Variants in ECHDC3 observed in about 807,000 individuals in gnomAD.
ECHDC3 encodes enoyl-CoA hydratase domain containing 3, also known as enoyl-CoA hydratase domain-containing protein 3, mitochondrial.
Under a neutral mutation model 17.9 loss-of-function variants are expected in ECHDC3, and 20 were observed. The ratio of observed to expected loss-of-function variants is 1.12; its 90% CI spans 0.79 to 1.63. ECHDC3 has a LOEUF of 1.63. ECHDC3 is among the 40% of genes most tolerant of loss of function. The probability of loss-of-function intolerance (pLI) is 0.00; values close to 1 mark genes in which losing one functional copy is unlikely to be tolerated. For missense variants in ECHDC3, 407 were observed against 357.7 expected (o/e 1.14, Z -1.11); for synonymous variants, 177 against 149.7 (o/e 1.18, Z -1.33).
chr10:11,751,496 C>T (rs1725888316), intron 3 of ECHDC3, among the ~76,000 whole-genome samples: 1 of 152,184 alleles, frequency 6.6e-6, no homozygotes, highest in Non-Finnish European at 1.5e-5. Context: ...GTGAAATCAA[C>T]AGCAGATTGG....
chr10:11,763,614 C>T lies in ECHDC3; in HGVS notation c.*70C>T. On this transcript the variant is annotated 3_prime_UTR_variant, in exon 5 of 5. Transcript: ENST00000379215. The surrounding 1 kb of genome is among the most constrained non-coding windows in gnomAD (Gnocchi z 4.9). Reference sequence around the variant, plus strand: ...ACCTTCCCCTCTGGCCCAGCCACCACTGCCTCTCAGCTTCAACAGGTGACA... The same window carrying T: ...ACCTTCCCCTCTGGCCCAGCCACCATTGCCTCTCAGCTTCAACAGGTGACA... 7.0e-7 allele frequency: 1 copy of T among 1,438,140 alleles called. No individual in the cohort carries two copies. The highest frequency in any genetic ancestry group is 9.1e-7 in the Non-Finnish European group (1 of 1,099,316). 89.1% of individuals were successfully genotyped at this position (1,438,140 alleles called of 1,614,324 possible). A position where few individuals can be genotyped will look rare whatever the true frequency, so the allele number is the denominator to read the frequency against.
chr10:11,761,238 G>C (rs547916728), intron 4 of ECHDC3, among the ~76,000 whole-genome samples: 1 of 152,320 alleles, frequency 6.6e-6, no homozygotes, highest in South Asian at 2.1e-4. Context: ...TATTGGCCCA[G>C]GGATATGTGG....
At chr10:11,744,283 GGTTTCTACTCT>G (rs1347473085) in intron 1 of ECHDC3, among the ~76,000 whole-genome samples, 5 of 152,216 alleles carry the variant, frequency 3.3e-5, no homozygotes, top group Non-Finnish European at 7.3e-5. Flanking sequence ...GCCCCAAAGT[GGTTTCTACTCT>G]GTTTCTACTC....
chr10:11,744,364 C>T (rs1183912810), intron 1 of ECHDC3, among the ~76,000 whole-genome samples: 1 of 152,118 alleles, frequency 6.6e-6, no homozygotes, highest in African/African-American at 2.4e-5. Context: ...CCACTGCATT[C>T]GGTGGAATTG....
intron 4 of ECHDC3, among the ~76,000 whole-genome samples, chr10:11,756,420 A>G (rs7900369): frequency 0.93 from 142,420 of 152,322 alleles, 67,387 homozygotes; most frequent in East Asian, 1. Flanking sequence ...TCTAATGTAT[A>G]TGATCTGCTT....
At chr10:11,761,672 A>C (rs1381742086) in intron 4 of ECHDC3, among the ~76,000 whole-genome samples, 3 of 152,216 alleles carry the variant, frequency 2.0e-5, no homozygotes, top group East Asian at 1.9e-4. Flanking sequence ...TTGGCGGCAC[A>C]CTGCACCCGG....
rs1284437917 is a variant in ECHDC3, at chr10:11,749,504, C to T, written c.302C>T (p.Pro101Leu). 2 of 1,613,990 alleles carry T rather than the reference C, an allele frequency of 1.2e-6. No individual in the cohort carries two copies. The highest frequency in any genetic ancestry group is 1.7e-6 in the Non-Finnish European group (2 of 1,179,988). Reference sequence around the variant, plus strand: ...TTGGAAACATTTGCAGCTGAGGGGCCTGTGTTTTCTTCTGGGCATGACTTA... The same window carrying T: ...TTGGAAACATTTGCAGCTGAGGGGCTTGTGTTTTCTTCTGGGCATGACTTA... ...LKVIIISAEGPVFSSGHDLKE... is the reference protein window; with the variant it reads ...LKVIIISAEGLVFSSGHDLKE... The change falls in exon 3 of 5, where the codon CCT becomes CTT. Residue 101 changes from proline to leucine, a missense_variant. By Grantham distance (98) the Pro-to-Leu change is moderately conservative. Coordinates refer to ENST00000379215, the MANE Select transcript of ECHDC3 (RefSeq NM_024693.5).
intron 4 of ECHDC3, among the ~76,000 whole-genome samples, chr10:11,757,371 GAAGAA>G (rs373782256): frequency 4.5e-4 from 68 of 152,242 alleles, no homozygotes; most frequent in African/African-American, 1.5e-3. Context: ...AAGTTTTTGA[GAAGAA>G]AAGGGGGAAA....
At chr10:11,747,286 C>A in intron 1 of ECHDC3, 63 bp from the exon 2 acceptor site, 3 of 1,585,546 alleles carry the variant, frequency 1.9e-6, no homozygotes, top group South Asian at 1.1e-5. Flanking sequence ...AGACAGGAAT[C>A]GCAGGGGTCC....
chr10:11,744,492 T>C (rs1048285052), intron 1 of ECHDC3, among the ~76,000 whole-genome samples: 1 of 152,232 alleles, frequency 6.6e-6, no homozygotes, highest in African/African-American at 2.4e-5. Flanking sequence ...TTTACAATAA[T>C]GATCTTCAGA....
At chr10:11,744,305 A>G (rs1223061250) in intron 1 of ECHDC3, among the ~76,000 whole-genome samples, 1 of 152,156 alleles carries the variant, frequency 6.6e-6, no homozygotes, top group Non-Finnish European at 1.5e-5. Flanking sequence ...GTTTCTACTC[A>G]CCACTTGGTT....
intron 1 of ECHDC3, among the ~76,000 whole-genome samples, chr10:11,745,978 A>G (rs1832754716): frequency 6.6e-6 from 1 of 152,152 alleles, no homozygotes; most frequent in African/African-American, 2.4e-5. Flanking sequence ...TCCTTCATGT[A>G]TCAGCCCACT....
rs540553446 is a variant in ECHDC3, at chr10:11,745,492, G to T, written c.171-1857G>T. Among the ~76,000 whole-genome samples, 4 of 152,294 alleles carry T rather than the reference G, an allele frequency of 2.6e-5. No individual in the cohort carries two copies. The East Asian group carries it at 7.7e-4, about 29-fold the overall frequency. Reference sequence around the variant, plus strand: ...CAGTGCAAGTAATTTTTGTACTTAGGAGAGAACAATGTTTATAAGAAACAA... The same window carrying T: ...CAGTGCAAGTAATTTTTGTACTTAGTAGAGAACAATGTTTATAAGAAACAA... On this transcript the variant is annotated intron_variant, in intron 1 of 4. Transcript: ENST00000379215.
At chr10:11,743,774 T>C (rs77466699) in intron 1 of ECHDC3, among the ~76,000 whole-genome samples, 2 of 152,252 alleles carry the variant, frequency 1.3e-5, no homozygotes, top group Admixed American at 6.5e-5. Context: ...AGGGTCTTTC[T>C]TGCCCATTGC....
intron 4 of ECHDC3, among the ~76,000 whole-genome samples, chr10:11,757,022 G>A (rs891795766): frequency 2.0e-5 from 3 of 152,316 alleles, no homozygotes; most frequent in East Asian, 1.9e-4. Flanking sequence ...GGCGTGAGCC[G>A]CCGCACCTGG....
At position 11,749,555 on chromosome 10, in the gene ECHDC3, G is replaced by GT. The variant is rs772862832; in HGVS notation, c.354dup (p.Asp119Ter). The GT allele has an allele frequency of 1.2e-6, 2 of 1,614,118 alleles. No homozygotes were observed. The highest frequency in any genetic ancestry group is 1.7e-6 in the Non-Finnish European group (2 of 1,180,018). ...AAGGAGCTGACAGAGGAGCAAGGCC[G>GT]TGATTACCATGCCGAAGTATTTCAG... On this transcript the variant is annotated frameshift_variant, in exon 3 of 5. Transcript: ENST00000379215. LOFTEE classifies it high-confidence loss of function.
Position 11,747,561 on chromosome 10 carries a change from G to C in ECHDC3, c.292+91G>C, listed in dbSNP as rs10508429. The C allele has an allele frequency of 4.3e-3, 6,307 of 1,472,462 alleles. 236 individuals carry two copies. The African/African-American group carries it at 0.077, about 18-fold the overall frequency. 91.2% of individuals were successfully genotyped at this position (1,472,462 alleles called of 1,614,324 possible). On this transcript the variant is annotated intron_variant, in intron 2 of 4. Coordinates refer to ENST00000379215, the MANE Select transcript of ECHDC3 (RefSeq NM_024693.5). ...AACTGGGGCATCCCTTTATTTAACT[G>C]GAGAATTGTTTTGAAGCTCCTTTAC... is the stretch of plus-strand genomic sequence containing the variant.
chr10:11,749,773 CTTTTTTTTTTTTTTTTTTTTTT>C lies in ECHDC3; in HGVS notation c.390+200_390+221del, dbSNP rs869115508. Reference sequence around the variant, plus strand: ...AATCCAGCAATTATTTGGTTTAGACCTTTTTTTTTTTTTTTTTTTTTTTTTTTTTTTTTTTTTTTTGAGACAG... The same window carrying C: ...AATCCAGCAATTATTTGGTTTAGACCTTTTTTTTTTTTTTTTTTGAGACAG... On this transcript the variant is annotated intron_variant, in intron 3 of 4. Coordinates refer to ENST00000379215, the MANE Select transcript of ECHDC3 (RefSeq NM_024693.5). Among the ~76,000 whole-genome samples, 65 of 65,524 alleles carry C rather than the reference CTTTTTTTTTTTTTTTTTTTTTT, an allele frequency of 9.9e-4. 1 individual carries two copies. The highest frequency in any genetic ancestry group is 4.1e-3 in the African/African-American group (63 of 15,294). 43.0% of individuals were successfully genotyped at this position (65,524 alleles called of 152,430 possible).
intron 1 of ECHDC3, among the ~76,000 whole-genome samples, chr10:11,744,821 A>T (rs1468449047): frequency 2.0e-5 from 3 of 152,178 alleles, no homozygotes; most frequent in Non-Finnish European, 4.4e-5. Flanking sequence ...CAGGTTTGAG[A>T]ATGGGGGAAT....
Sources: gnomAD v4.1 joint callset for allele counts (sites outside exome capture counted in the v4.1 genomes callset) on GRCh38, gnomAD v4.1.1 for gene constraint, Gnocchi (gnomAD v3.1) non-coding constraint, MANE v1.5 for transcripts, NCBI Gene and HGNC (gene_info 2026-07-23, HGNC 2026-07-21) for gene names.